Variants in ANK1 observed in about 807,000 individuals in gnomAD.
The protein encoded by ANK1 is ankyrin 1.
A neutral mutation model predicts 210.4 loss-of-function variants in ANK1; 51 were observed. The ratio of observed to expected loss-of-function variants is 0.24; its 90% CI spans 0.19 to 0.31. ANK1 has a LOEUF of 0.31. ANK1 is among the 10% of genes least tolerant of loss of function. ANK1 has a pLI of 1.00. For missense variants in ANK1, 2,051 were observed against 2,504.4 expected (o/e 0.82, Z 3.86); for synonymous variants, 967 against 1,025.9 (o/e 0.94, Z 1.10).
upstream of ANK1, among the ~76,000 whole-genome samples, chr8:41,799,336 C>A (rs1045231356): frequency 6.6e-6 from 1 of 152,176 alleles, no homozygotes; most frequent in Non-Finnish European, 1.5e-5. Context: ...GCGTGGCATG[C>A]ACCCCACTCA....
rs58299989 is a variant in ANK1, at chr8:41,675,253, C to G, written c.4538-2341G>C. On this transcript the variant is annotated intron_variant, in intron 37 of 42. Coordinates refer to ENST00000289734, the MANE Select transcript of ANK1 (RefSeq NM_000037.4). ...CTGGGATTACAGGTATGCGCCATGA[C>G]GCCTGGCCAATTTTTGTATTTTTAG... Among the ~76,000 whole-genome samples the G allele has an allele frequency of 3.9e-5, 6 of 152,236 alleles. No individual in the cohort carries two copies. The South Asian group carries it at 1.0e-3, about 26-fold the overall frequency.
chr8:41,697,076 G>C (rs766766594), intron 24 of ANK1, among the ~76,000 whole-genome samples: 1 of 37,160 alleles, frequency 2.7e-5, no homozygotes, highest in African/African-American at 4.1e-5. Context: ...TGCACCTGCT[G>C]CAGACCCGCC....
chr8:41,686,591 T>G (rs1013161339), intron 35 of ANK1, among the ~76,000 whole-genome samples: 20 of 152,158 alleles, frequency 1.3e-4, no homozygotes, highest in Non-Finnish European at 2.6e-4. Flanking sequence ...TGAGATGACA[T>G]GAACTCTCAG....
At chr8:41,713,853 G>A (rs184972058) in intron 16 of ANK1, among the ~76,000 whole-genome samples, 1 of 152,280 alleles carries the variant, frequency 6.6e-6, no homozygotes. Context: ...CTGACAGTCA[G>A]TTTACAAAAC....
At chr8:41,680,903 A>G (rs1198298793) in intron 37 of ANK1, among the ~76,000 whole-genome samples, 1 of 152,218 alleles carries the variant, frequency 6.6e-6, no homozygotes, top group African/African-American at 2.4e-5. Context: ...TCTCTCTGGT[A>G]GTCTCATGCA....
At chr8:41,879,724 C>T (rs913628186) in intron 1 of ANK1, among the ~76,000 whole-genome samples, 1 of 152,184 alleles carries the variant, frequency 6.6e-6, no homozygotes, top group Non-Finnish European at 1.5e-5. Flanking sequence ...CCAGCGCAGC[C>T]CGCTCAGACC....
upstream of ANK1, among the ~76,000 whole-genome samples, chr8:41,798,285 A>G (rs1849204903): frequency 1.3e-5 from 2 of 152,002 alleles, 1 homozygote; most frequent in South Asian, 4.2e-4. Context: ...TGCTTTCACT[A>G]GGGCCCCATG....
At chr8:41,697,700 T>C (rs1821472671) in intron 24 of ANK1, 3 of 391,746 alleles carry the variant, frequency 7.7e-6, no homozygotes, top group Admixed American at 3.6e-5. Context: ...AGGAATCCAG[T>C]AAACATCTGC....
intron 1 of ANK1, chr8:41,829,297 T>C (rs1806127956): frequency 6.6e-6 from 1 of 152,254 alleles, no homozygotes; most frequent in Non-Finnish European, 1.5e-5. Flanking sequence ...TGAACTTAGC[T>C]TTCGTCGCTG....
At chr8:41,859,196 G>A (rs1026579105) in intron 1 of ANK1, among the ~76,000 whole-genome samples, 2 of 152,262 alleles carry the variant, frequency 1.3e-5, no homozygotes, top group Non-Finnish European at 2.9e-5. Context: ...CAGGAGCACG[G>A]AAGGAGAGAA....
intron 1 of ANK1, among the ~76,000 whole-genome samples, chr8:41,831,330 T>C (rs1017888024): frequency 6.6e-6 from 1 of 152,158 alleles, no homozygotes; most frequent in Non-Finnish European, 1.5e-5. Flanking sequence ...GCAATCCCAC[T>C]CCTGGGTATT....
intron 1 of ANK1, among the ~76,000 whole-genome samples, chr8:41,857,376 T>A (rs1812395340): frequency 6.6e-6 from 1 of 151,572 alleles, no homozygotes; most frequent in African/African-American, 2.4e-5. Flanking sequence ...GGCAGGTGGA[T>A]CAACCGAGGT....
At chr8:41,879,964 A>C (rs577012805) in intron 1 of ANK1, among the ~76,000 whole-genome samples, 1 of 152,312 alleles carries the variant, frequency 6.6e-6, no homozygotes, top group South Asian at 2.1e-4. Flanking sequence ...TGGGAATGCA[A>C]AGGGAACCAA....
chr8:41,677,272 T>G (rs1472228961), intron 37 of ANK1, among the ~76,000 whole-genome samples: 2 of 152,178 alleles, frequency 1.3e-5, no homozygotes, highest in Admixed American at 1.3e-4. Context: ...GGTTTATCAA[T>G]GTTATTGATC....
At chr8:41,738,592 T>C (rs1032369722) in intron 2 of ANK1, among the ~76,000 whole-genome samples, 5 of 152,352 alleles carry the variant, frequency 3.3e-5, no homozygotes, top group African/African-American at 1.2e-4. Flanking sequence ...AGATTTTTCA[T>C]TGCTCAAATG....
At chr8:41,803,435 A>C (rs1850480369) in intron 1 of ANK1, 2 of 152,198 alleles carry the variant, frequency 1.3e-5, no homozygotes, top group Non-Finnish European at 2.9e-5. Context: ...CCACTGCTTC[A>C]CTTGACTAGC....
intron 13 of ANK1, among the ~76,000 whole-genome samples, chr8:41,716,721 G>A (rs1827781163): frequency 6.6e-6 from 1 of 152,162 alleles, no homozygotes; most frequent in Non-Finnish European, 1.5e-5. Context: ...GGCCAGCCAC[G>A]CACCTTGGAC....
In ANK1 at chr8:41,803,085, G is replaced by GGAAGGAAGGAAGGGAAGGAAAGGA. The variant is rs1563811160; in HGVS notation, c.127-44949_127-44948insTCCTTTCCTTCCCTTCCTTCCTTC. The stretch of plus-strand genomic sequence containing the variant: ...AAAGGAAGGAAGGAAGGAAGGAAGG[G>GGAAGGAAGGAAGGGAAGGAAAGGA]AAGGAAAGGAAAGGAAAGGAAAGGA... On this transcript the variant is annotated intron_variant, in intron 1 of 42. Coordinates refer to the ANK1 transcript ENST00000265709. Among the ~76,000 whole-genome samples the GGAAGGAAGGAAGGGAAGGAAAGGA allele has an allele frequency of 2.5e-3, 153 of 60,020 alleles. 7 individuals carry two copies. The Admixed American group carries it at 0.028, about 11-fold the overall frequency. The allele number at this position is 60,020 out of a possible 152,430, so 39.4% of individuals were successfully genotyped here.
At chr8:41,680,747 C>G (rs1372639036) in intron 37 of ANK1, among the ~76,000 whole-genome samples, 1 of 152,170 alleles carries the variant, frequency 6.6e-6, no homozygotes, top group Non-Finnish European at 1.5e-5. Flanking sequence ...AGCTGTATTG[C>G]TGGTGCTGGT....
Sources: gnomAD v4.1 joint callset for allele counts (sites outside exome capture counted in the v4.1 genomes callset) on GRCh38, gnomAD v4.1.1 for gene constraint, MANE v1.5 for transcripts, NCBI Gene and HGNC (gene_info 2026-07-23, HGNC 2026-07-21) for gene names.